ZC3H4: variants seen among roughly 807,000 people sequenced by gnomAD.
The protein encoded by ZC3H4 is zinc finger CCCH domain-containing protein 4.
Under a neutral mutation model 108.3 loss-of-function variants are expected in ZC3H4, and 13 were observed. The ratio of observed to expected loss-of-function variants is 0.12; its 90% CI spans 0.08 to 0.19. ZC3H4 has a LOEUF of 0.19. Ranked by LOEUF, ZC3H4 falls within the 10% of genes least tolerant of loss-of-function variation. ZC3H4 has a pLI of 1.00. For missense variants in ZC3H4, 1,734 were observed against 1,838.8 expected (o/e 0.94, Z 1.04); for synonymous variants, 917 against 749.6 (o/e 1.22, Z -3.65).
intron 1 of ZC3H4, 31 bp from the exon 2 acceptor site, chr19:47,112,620 A>G: frequency 1.1e-5 from 13 of 1,218,166 alleles, no homozygotes; most frequent in Non-Finnish European, 1.3e-5. Context: ...TAATGCACGA[A>G]AAAGGACTGC....
intron 13 of ZC3H4, 40 bp from the exon 14 acceptor site, chr19:47,069,383 C>G (rs1403731073): frequency 4.4e-6 from 7 of 1,590,744 alleles, no homozygotes; most frequent in Non-Finnish European, 6.0e-6. Flanking sequence ...TCGGGAAGGG[C>G]CTCCAGGTGC....
chr19:47,094,717 G>C (rs575739910), intron 2 of ZC3H4, 109 bp from the exon 3 acceptor site: 1 of 1,100,462 alleles, frequency 9.1e-7, no homozygotes, highest in Non-Finnish European at 1.3e-6. Flanking sequence ...TGCTGTGAGC[G>C]AAGTGAGACC....
At chr19:47,085,952 C>A (rs774022813) in intron 6 of ZC3H4, among the ~76,000 whole-genome samples, 2 of 152,152 alleles carry the variant, frequency 1.3e-5, no homozygotes, top group Non-Finnish European at 2.9e-5. Flanking sequence ...CAACCTCCAC[C>A]TCCCGGGTTC....
chr19:47,097,184 G>A (rs8101149), intron 2 of ZC3H4, among the ~76,000 whole-genome samples: 79,637 of 152,094 alleles, frequency 0.52, 24,559 homozygotes, highest in Non-Finnish European at 0.71. Context: ...GCACATTATC[G>A]ATATTAACAG....
chr19:47,078,788 G>A (rs901391969), intron 11 of ZC3H4, among the ~76,000 whole-genome samples: 3 of 152,098 alleles, frequency 2.0e-5, no homozygotes, highest in Non-Finnish European at 4.4e-5. Context: ...GAACCTGGAA[G>A]GCAGAGGTTG....
Position 47,094,205 on chromosome 19 carries a change from C to G in ZC3H4, c.382-125G>C, listed in dbSNP as rs2057785123. On this transcript the variant is annotated intron_variant, in intron 3 of 14. Coordinates refer to ENST00000253048, the MANE Select transcript of ZC3H4 (RefSeq NM_015168.2). ...TCTGCGCTTCACCTGAAACACCTCA[C>G]CTGGGGCACTTAGTGGCAATGAAGC... 8.1e-6 allele frequency: 9 copies of G among 1,106,798 alleles called. No homozygotes were observed. The Admixed American group carries it at 1.9e-4, about 23-fold the overall frequency. The allele number at this position is 1,106,798 out of a possible 1,614,324, so 68.6% of individuals were successfully genotyped here. A position where few individuals can be genotyped will look rare whatever the true frequency, so the allele number is the denominator to read the frequency against.
In ZC3H4 at chr19:47,067,616, A is replaced by C. The variant is rs1055225622; in HGVS notation, c.2652T>G (p.Asp884Glu). The C allele has an allele frequency of 1.2e-6, 2 of 1,605,708 alleles. No homozygotes were observed. Among genetic ancestry groups the C allele is most frequent in the Non-Finnish European group, 1.7e-6 (2 of 1,178,010 alleles). ...CCAGCCGAGGATCGGAGGGTCCCGA[A>C]TCACCTGGGCCAGACCCGCCAGAAG... Reference protein sequence around the residue: ...VEASGGSGPGDSGPSDPRLAR... With the variant: ...VEASGGSGPGESGPSDPRLAR... The change falls in exon 15 of 15, where the codon GAT becomes GAG. Residue 884 changes from aspartate (D) to glutamate (E), a missense_variant. Coordinates refer to ENST00000253048, the MANE Select transcript of ZC3H4 (RefSeq NM_015168.2). This position sits in a 1 kb window ranked among gnomAD's most constrained non-coding sequence, Gnocchi z 6.4.
intron 2 of ZC3H4, chr19:47,112,183 G>C (rs925114803): frequency 8.4e-7 from 1 of 1,192,376 alleles, no homozygotes; most frequent in African/African-American, 1.6e-5. Context: ...AAGACAGAGC[G>C]AGAGCGAGGG....
At chr19:47,108,701 G>GA (rs1267714846) in intron 2 of ZC3H4, among the ~76,000 whole-genome samples, 1 of 152,170 alleles carries the variant, frequency 6.6e-6, no homozygotes, top group African/African-American at 2.4e-5. Flanking sequence ...CCTGGCTGTG[G>GA]AAAAACCACA....
intron 13 of ZC3H4, among the ~76,000 whole-genome samples, chr19:47,071,398 G>A (rs2057323222): frequency 6.6e-6 from 1 of 152,136 alleles, no homozygotes. Flanking sequence ...TCCTGGGGTG[G>A]ACACTGGTTG....
At chr19:47,069,644 C>G (rs894709587) in intron 13 of ZC3H4, among the ~76,000 whole-genome samples, 2 of 152,212 alleles carry the variant, frequency 1.3e-5, no homozygotes, top group African/African-American at 4.8e-5. Context: ...AAAAGACACA[C>G]AGAAACAGTC....
At chr19:47,079,662 C>T (rs991589435) in intron 11 of ZC3H4, among the ~76,000 whole-genome samples, 1 of 152,110 alleles carries the variant, frequency 6.6e-6, no homozygotes, top group African/African-American at 2.4e-5. Flanking sequence ...ATTTGGGAGG[C>T]CAAGGTGGGC....
chr19:47,077,151 T>G lies in ZC3H4; in HGVS notation c.1440+4362A>C, dbSNP rs138922524. Among the ~76,000 whole-genome samples the G allele has an allele frequency of 5.5e-3, 784 of 143,030 alleles. 1 individual carries two copies. Among genetic ancestry groups the G allele is most frequent in the South Asian group, 0.027 (122 of 4,490 alleles). The allele number at this position is 143,030 out of a possible 152,430, so 93.8% of individuals were successfully genotyped here. On this transcript the variant is annotated intron_variant, in intron 11 of 14. Transcript: ENST00000253048. ...CTCCAGCCTGGACGACAGAGCGAGA[T>G]TCCGTCTTGGAAAAAAAAAACAACT...
In ZC3H4 at chr19:47,066,726, G is replaced by A. The variant is rs757680989; in HGVS notation, c.3542C>T (p.Ser1181Leu). Residue 1181 changes from serine (S) to leucine (L), a missense_variant, in exon 15 of 15, where the codon TCG becomes TTG. Transcript: ENST00000253048. The stretch of plus-strand genomic sequence containing the variant: ...CGGGGGCTCCTTAGCCTTGGAGGCC[G>A]AGCTCTTGCCATTGCCCTCAGCACC... ...PKGAEGNGKS[S>L]ASKAKEPPFV... 5.4e-5 allele frequency: 86 copies of A among 1,606,674 alleles called. No individual in the cohort carries two copies. Among genetic ancestry groups the A allele is most frequent in the Middle Eastern group, 1.6e-4 (1 of 6,074 alleles).
chr19:47,069,009 C>A, intron 14 of ZC3H4, 83 bp downstream of exon 14: 1 of 1,585,230 alleles, frequency 6.3e-7, no homozygotes, highest in Non-Finnish European at 8.5e-7. Context: ...TGACAGGAAA[C>A]CCAACCTGGA....
chr19:47,099,780 A>G (rs1250755264), intron 2 of ZC3H4, among the ~76,000 whole-genome samples: 1 of 150,846 alleles, frequency 6.6e-6, no homozygotes, highest in Non-Finnish European at 1.5e-5. Flanking sequence ...GAAAGCTGAA[A>G]GGGGCCCAGG....
At chr19:47,100,684 GTTTT>G (rs1190160102) in intron 2 of ZC3H4, among the ~76,000 whole-genome samples, 1 of 151,732 alleles carries the variant, frequency 6.6e-6, no homozygotes, top group Non-Finnish European at 1.5e-5. Context: ...TTGTAGAAAG[GTTTT>G]TTGTTTTGTT....
At chr19:47,074,610 A>G (rs1032935181) in intron 11 of ZC3H4, among the ~76,000 whole-genome samples, 1 of 152,236 alleles carries the variant, frequency 6.6e-6, no homozygotes, top group African/African-American at 2.4e-5. Flanking sequence ...AGAGGGGCTC[A>G]CTGCATCTAA....
At position 47,066,574 on chromosome 19, in the gene ZC3H4, T is replaced by TGGCAGCGGG; in HGVS notation, c.3685_3693dup (p.Pro1229_Ala1231dup). On this transcript the variant is annotated inframe_insertion, in exon 15 of 15. Coordinates refer to ENST00000253048, the MANE Select transcript of ZC3H4 (RefSeq NM_015168.2). ...CCCTCGGGGGGTGGGGTGGCGGTGG[T>TGGCAGCGGG]GGCAGCGGGGGCTGCAGCAGCCTTG... 8 of 1,586,100 alleles carry TGGCAGCGGG rather than the reference T, an allele frequency of 5.0e-6. No individual in the cohort carries two copies. The highest frequency in any genetic ancestry group is 6.9e-6 in the Non-Finnish European group (8 of 1,165,724).
Sources: gnomAD v4.1 joint callset for allele counts (sites outside exome capture counted in the v4.1 genomes callset) on GRCh38, gnomAD v4.1.1 for gene constraint, Gnocchi (gnomAD v3.1) non-coding constraint, MANE v1.5 for transcripts, NCBI Gene and HGNC (gene_info 2026-07-23, HGNC 2026-07-21) for gene names.